The following IL1RAPL1 variants were observed in gnomAD, a reference collection of about 807,000 sequenced individuals.
IL1RAPL1 encodes the protein interleukin-1 receptor accessory protein-like 1.
In IL1RAPL1, 3 loss-of-function variants were observed where a neutral mutation model predicts 48.4. That is an observed-to-expected ratio of 0.06 (90% CI 0.03 to 0.16). The LOEUF is 0.16. IL1RAPL1 is among the 10% of genes least tolerant of loss of function. The pLI, the probability that IL1RAPL1 is intolerant of heterozygous loss-of-function variation, is 1.00. For synonymous variants in IL1RAPL1, 185 were observed against 187.7 expected (o/e 0.99, Z 0.12); for missense variants, 349 against 530.6 (o/e 0.66, Z 3.36).
In IL1RAPL1 at chrX:29,393,302, C is replaced by T. The variant is rs188720509; in HGVS notation, c.363-2956C>T. ...ACGCCCGGCTAATTTCTTGTATTTT[C>T]AGTGGAGACGGGGTTTCCCCATGTT... On this transcript the variant is annotated intron_variant, in intron 3 of 10. Transcript: ENST00000378993. 4.5e-3 allele frequency among the ~76,000 whole-genome samples: 504 copies of T among 111,814 alleles called. 5 individuals are homozygous for T. The East Asian group carries it at 0.045, about 10-fold the overall frequency.
chrX:29,954,797 G>A, intron 10 of IL1RAPL1, 105 bp downstream of exon 10: 2 of 700,346 alleles, frequency 2.9e-6, no homozygotes, highest in Non-Finnish European at 4.5e-6. Flanking sequence ...TTCAAAATTT[G>A]TATCTGTTAG....
In IL1RAPL1 at chrX:28,706,586, G is replaced by A. The variant is rs77008313; in HGVS notation, c.-24-82734G>A. Among the ~76,000 whole-genome samples the A allele has an allele frequency of 4.3e-4, 48 of 110,729 alleles. 2 individuals are homozygous for A. In the East Asian group the frequency reaches 0.013, roughly 30 times the overall value. ...CGCCACCATGCCCAGCTAATTTTTT[G>A]TATTTTTAGTAGAGATGGGGTTTTG... On this transcript the variant is annotated intron_variant, in intron 1 of 10. Transcript: ENST00000378993.
At chrX:28,885,125 A>G (rs147212375) in intron 2 of IL1RAPL1, among the ~76,000 whole-genome samples, 1,724 of 111,682 alleles carry the variant, frequency 0.015, 16 homozygotes, top group South Asian at 0.03. Flanking sequence ...TGCAAAAAAA[A>G]TGCTTCGTAT....
chrX:28,777,701 G>GA (rs1936374820), intron 1 of IL1RAPL1, among the ~76,000 whole-genome samples: 1 of 111,141 alleles, frequency 9.0e-6, no homozygotes, highest in Non-Finnish European at 1.9e-5. Flanking sequence ...TTTATTGTTT[G>GA]ATAAAGCTAA....
At chrX:29,542,272 C>T (rs1415163273) in intron 5 of IL1RAPL1, among the ~76,000 whole-genome samples, 1 of 111,587 alleles carries the variant, frequency 9.0e-6, no homozygotes, top group Non-Finnish European at 1.9e-5. Flanking sequence ...GGGATATCAG[C>T]TTTCATCATC....
At chrX:29,373,349 A>G (rs987967768) in intron 3 of IL1RAPL1, among the ~76,000 whole-genome samples, 1 of 112,012 alleles carries the variant, frequency 8.9e-6, no homozygotes, top group Non-Finnish European at 1.9e-5. Flanking sequence ...GTATAGAATT[A>G]TATCATCAGA....
chrX:29,204,872 T>C (rs1320664799), intron 2 of IL1RAPL1, among the ~76,000 whole-genome samples: 1 of 111,937 alleles, frequency 8.9e-6, no homozygotes, highest in Non-Finnish European at 1.9e-5. Flanking sequence ...GAGAAATTCA[T>C]TCTTGGGTTG....
At chrX:28,678,981 T>G (rs1935028926) in intron 1 of IL1RAPL1, among the ~76,000 whole-genome samples, 1 of 111,734 alleles carries the variant, frequency 8.9e-6, no homozygotes, top group Admixed American at 9.5e-5. Flanking sequence ...CATATGGTAG[T>G]TTTATTTGTA....
At chrX:29,865,636 C>CTTTTTTTT (rs1171882981) in intron 6 of IL1RAPL1, among the ~76,000 whole-genome samples, 6 of 76,343 alleles carry the variant, frequency 7.9e-5, no homozygotes, top group Non-Finnish European at 1.2e-4. Context: ...CTTTTCTTTT[C>CTTTTTTTT]TTTTTTTTTT....
In IL1RAPL1 at chrX:29,268,772, C is replaced by A. The variant is rs1931995598; in HGVS notation, c.83-14166C>A. On this transcript the variant is annotated intron_variant, in intron 2 of 10. Coordinates refer to ENST00000378993, the MANE Select transcript of IL1RAPL1 (RefSeq NM_014271.4). ...AAATCTCAGCCCAGCTAGAACAGTG[C>A]CCTAGGATACAACAGGCACCTTGTA... Among the ~76,000 whole-genome samples the A allele has an allele frequency of 2.7e-5, 3 of 111,955 alleles. No individual in the cohort carries two copies. In the South Asian group the frequency reaches 1.1e-3, roughly 42 times the overall value.
chrX:28,718,086 C>A (rs1431226972), intron 1 of IL1RAPL1, among the ~76,000 whole-genome samples: 1 of 111,060 alleles, frequency 9.0e-6, no homozygotes, highest in Non-Finnish European at 1.9e-5. Flanking sequence ...AATACAGTAC[C>A]AAATCAAGAA....
intron 1 of IL1RAPL1, among the ~76,000 whole-genome samples, chrX:28,738,341 C>A (rs1935869824): frequency 8.9e-6 from 1 of 111,751 alleles, no homozygotes; most frequent in African/African-American, 3.3e-5. Flanking sequence ...TATTATGGGC[C>A]ATGCACTGAT....
chrX:29,574,783 G>A (rs772169732), intron 5 of IL1RAPL1, among the ~76,000 whole-genome samples: 1 of 111,734 alleles, frequency 8.9e-6, no homozygotes, highest in South Asian at 3.8e-4. Flanking sequence ...TATGCTGTTA[G>A]AAGCAGCCAG....
At chrX:29,580,199 T>C (rs1484699492) in intron 5 of IL1RAPL1, among the ~76,000 whole-genome samples, 1 of 110,430 alleles carries the variant, frequency 9.1e-6, no homozygotes, top group Non-Finnish European at 1.9e-5. Flanking sequence ...CATATTTTCC[T>C]AAATTAATAG....
At chrX:28,914,678 T>A (rs1377078790) in intron 2 of IL1RAPL1, among the ~76,000 whole-genome samples, 1 of 112,235 alleles carries the variant, frequency 8.9e-6, no homozygotes, top group Non-Finnish European at 1.9e-5. Flanking sequence ...TAAAACACTT[T>A]GCAAATACTG....
chrX:28,716,687 A>G (rs2146937491), intron 1 of IL1RAPL1, among the ~76,000 whole-genome samples: 1 of 112,236 alleles, frequency 8.9e-6, no homozygotes, highest in African/African-American at 3.2e-5. Context: ...GGATCCAATT[A>G]AAATAAAGAG....
chrX:29,762,184 C>T (rs976009840), intron 6 of IL1RAPL1, among the ~76,000 whole-genome samples: 6 of 111,804 alleles, frequency 5.4e-5, no homozygotes, highest in African/African-American at 1.9e-4. Flanking sequence ...TTTAAGCGTT[C>T]ATTGAAATGC....
At position 28,948,861 on chromosome X, in the gene IL1RAPL1, G is replaced by A. The variant is rs1413935770; in HGVS notation, c.82+159436G>A. On this transcript the variant is annotated intron_variant, in intron 2 of 10. Transcript: ENST00000378993. ...TGATAAAGTTTAATTTATAAAGTAAGCACAGTAAGACATTAACAATAATAG... is the reference window on the plus strand; with the variant it reads ...TGATAAAGTTTAATTTATAAAGTAAACACAGTAAGACATTAACAATAATAG... Among the ~76,000 whole-genome samples the A allele has an allele frequency of 2.7e-5, 3 of 110,755 alleles. No individual in the cohort carries two copies. In the East Asian group the frequency reaches 8.6e-4, roughly 32 times the overall value.
At chrX:28,764,410 A>T (rs1434541093) in intron 1 of IL1RAPL1, among the ~76,000 whole-genome samples, 2 of 111,826 alleles carry the variant, frequency 1.8e-5, no homozygotes, top group East Asian at 2.8e-4. Context: ...GAATTATTTT[A>T]AAAAACATAC....
Sources: allele counts gnomAD v4.1 joint callset (sites outside exome capture counted in the v4.1 genomes callset), GRCh38; gene constraint gnomAD v4.1.1; transcripts MANE v1.5; gene names NCBI Gene and HGNC (gene_info 2026-07-23, HGNC 2026-07-21).